The following BDP1 variants were observed in gnomAD, a reference collection of about 807,000 sequenced individuals.
BDP1 encodes transcription factor TFIIIB component B'' homolog.
In BDP1, 169 loss-of-function variants were observed where a neutral mutation model predicts 266.6. The observed-to-expected ratio is 0.63, with a 90% CI of 0.56 to 0.72. The LOEUF (loss-of-function observed/expected upper bound fraction) is 0.72. BDP1 is among the 30% of genes least tolerant of loss of function. The pLI, the probability that BDP1 is intolerant of heterozygous loss-of-function variation, is 0.00. For synonymous variants in BDP1, 1,090 were observed against 1,022.4 expected (o/e 1.07, Z -1.26); for missense variants, 3,015 against 3,053.8 (o/e 0.99, Z 0.30).
At chr5:71,486,711 G>C (rs1763286280) in intron 9 of BDP1, 84 bp downstream of exon 9, 6 of 1,135,858 alleles carry the variant, frequency 5.3e-6, no homozygotes, top group Admixed American at 3.1e-5. Flanking sequence ...GAGAGTTCAT[G>C]TGTAGCTCAG....
chr5:71,492,788 A>G (rs1191685901), intron 11 of BDP1, among the ~76,000 whole-genome samples: 1 of 152,138 alleles, frequency 6.6e-6, no homozygotes, highest in Non-Finnish European at 1.5e-5. Flanking sequence ...TTTTGGTGTC[A>G]TATCTAAGAA....
At chr5:71,548,361 G>T (rs1054587544) in intron 32 of BDP1, among the ~76,000 whole-genome samples, 1 of 152,206 alleles carries the variant, frequency 6.6e-6, no homozygotes, top group African/African-American at 2.4e-5. Context: ...CCTTCATTCA[G>T]ATGTCACCTA....
intron 30 of BDP1, among the ~76,000 whole-genome samples, chr5:71,543,147 G>A (rs1243191440): frequency 6.6e-6 from 1 of 152,178 alleles, no homozygotes; most frequent in Non-Finnish European, 1.5e-5. Flanking sequence ...CAGGCATGGT[G>A]GTGCATGTCT....
intron 25 of BDP1, among the ~76,000 whole-genome samples, chr5:71,527,021 T>G (rs2150523587): frequency 6.6e-6 from 1 of 151,944 alleles, no homozygotes; most frequent in South Asian, 2.1e-4. Context: ...TTCAGTGGCA[T>G]TAAGAACATT....
At position 71,457,384 on chromosome 5, in the gene BDP1, C is replaced by T. The variant is rs563895930; in HGVS notation, c.213-1195C>T. 1.2e-4 allele frequency among the ~76,000 whole-genome samples: 17 copies of T among 145,662 alleles called. No homozygotes were observed. The South Asian group carries it at 3.8e-3, about 33-fold the overall frequency. On this transcript the variant is annotated intron_variant, in intron 1 of 38. Coordinates refer to ENST00000358731, the MANE Select transcript of BDP1 (RefSeq NM_018429.3). ...TCGCCCAGGCTGAAGTGCAGTGGTA[C>T]GGCTCACTGCAACCTCCACCTCCCG...
chr5:71,557,870 G>GA (rs1743336836), intron 36 of BDP1, among the ~76,000 whole-genome samples: 1 of 152,022 alleles, frequency 6.6e-6, no homozygotes, highest in Non-Finnish European at 1.5e-5. Context: ...TCTTTACCCT[G>GA]AAAATTAGTT....
chr5:71,572,321 G>T (rs190393895), downstream of BDP1, among the ~76,000 whole-genome samples: 384 of 151,914 alleles, frequency 2.5e-3, 2 homozygotes, highest in African/African-American at 8.3e-3. Flanking sequence ...CAGTCCACCA[G>T]GGATCCTGGC....
chr5:71,551,393 AC>A (rs1295688313), intron 34 of BDP1, among the ~76,000 whole-genome samples: 14 of 152,198 alleles, frequency 9.2e-5, no homozygotes, highest in Non-Finnish European at 1.9e-4. Flanking sequence ...CCCTGAGTGG[AC>A]ACAGCACATG....
At chr5:71,467,226 C>A in intron 5 of BDP1, 128 bp from the exon 6 acceptor site, 3 of 726,750 alleles carry the variant, frequency 4.1e-6, no homozygotes, top group Non-Finnish European at 4.4e-6. Context: ...ACCCATATTT[C>A]ACATAGGTAT....
chr5:71,489,742 A>G (rs894854882), intron 10 of BDP1, 60 bp downstream of exon 10: 3 of 1,434,384 alleles, frequency 2.1e-6, no homozygotes, highest in African/African-American at 2.9e-5. Flanking sequence ...GTACAGTAAT[A>G]TGGTATGTAA....
chr5:71,559,739 A>G (rs1026033752), intron 36 of BDP1, among the ~76,000 whole-genome samples: 1 of 152,156 alleles, frequency 6.6e-6, no homozygotes, highest in African/African-American at 2.4e-5. Context: ...CTGGGAAAAT[A>G]TTTTCTAGGC....
intron 36 of BDP1, 22 bp downstream of exon 36, chr5:71,556,947 A>G: frequency 2.2e-6 from 3 of 1,378,934 alleles, no homozygotes; most frequent in South Asian, 3.2e-5. Context: ...ACATTTTAAC[A>G]TGATTGCATT....
chr5:71,496,341 A>G (rs1245545921), intron 12 of BDP1, among the ~76,000 whole-genome samples: 1 of 152,182 alleles, frequency 6.6e-6, no homozygotes, highest in African/African-American at 2.4e-5. Context: ...CAGTCTTTGA[A>G]ATAGACAATA....
intron 26 of BDP1, among the ~76,000 whole-genome samples, chr5:71,533,004 A>T (rs1766349005): frequency 6.6e-6 from 1 of 152,146 alleles, no homozygotes; most frequent in Non-Finnish European, 1.5e-5. Context: ...CCTGTTCTAG[A>T]TGTTTCCTAG....
intron 7 of BDP1, among the ~76,000 whole-genome samples, chr5:71,481,878 A>G (rs975248203): frequency 6.6e-6 from 1 of 152,210 alleles, no homozygotes; most frequent in Non-Finnish European, 1.5e-5. Flanking sequence ...AAGGGAATGC[A>G]TTGCATACAG....
At chr5:71,464,427 C>G (rs936907059) in intron 4 of BDP1, among the ~76,000 whole-genome samples, 1 of 151,976 alleles carries the variant, frequency 6.6e-6, no homozygotes, top group African/African-American at 2.4e-5. Flanking sequence ...CCCACATGTT[C>G]AAGGCTGTAG....
At chr5:71,555,076 C>T (rs1233883326) in intron 35 of BDP1, among the ~76,000 whole-genome samples, 1 of 152,144 alleles carries the variant, frequency 6.6e-6, no homozygotes, top group Non-Finnish European at 1.5e-5. Context: ...AGATAGAAGA[C>T]ATTTTTTATT....
chr5:71,537,387 A>G (rs1455407097), intron 26 of BDP1, among the ~76,000 whole-genome samples: 2 of 152,194 alleles, frequency 1.3e-5, no homozygotes, highest in Non-Finnish European at 2.9e-5. Context: ...AAGCATGTAC[A>G]CTTAAAAAAT....
chr5:71,529,403 A>T (rs1766098010), intron 25 of BDP1, among the ~76,000 whole-genome samples: 1 of 151,854 alleles, frequency 6.6e-6, no homozygotes, highest in African/African-American at 2.4e-5. Context: ...AAACAAAAGC[A>T]TTGAAAGGCC....
Sources: gnomAD v4.1 joint callset for allele counts (sites outside exome capture counted in the v4.1 genomes callset) on GRCh38, gnomAD v4.1.1 for gene constraint, MANE v1.5 for transcripts, NCBI Gene and HGNC (gene_info 2026-07-23, HGNC 2026-07-21) for gene names.